Variants in GPC5 observed in about 807,000 individuals in gnomAD.
The protein encoded by GPC5 is glypican-5.
In GPC5, 47 loss-of-function variants were observed where a neutral mutation model predicts 53.9. The ratio of observed to expected loss-of-function variants is 0.87; its 90% CI spans 0.69 to 1.11. The LOEUF (loss-of-function observed/expected upper bound fraction) is 1.11. Ranked by LOEUF, GPC5 falls within the 50% of genes most tolerant of loss-of-function variation. The pLI is 0.00. For missense variants in GPC5, 748 were observed against 713.1 expected (o/e 1.05, Z -0.56); for synonymous variants, 286 against 263.3 (o/e 1.09, Z -0.84).
At chr13:92,148,095 C>A (rs1593931262) in intron 7 of GPC5, among the ~76,000 whole-genome samples, 1 of 152,092 alleles carries the variant, frequency 6.6e-6, no homozygotes, top group East Asian at 1.9e-4. Context: ...AAATAGCACA[C>A]AGTTCATTTG....
At chr13:91,853,943 G>A (rs770718872) in intron 5 of GPC5, among the ~76,000 whole-genome samples, 1 of 151,748 alleles carries the variant, frequency 6.6e-6, no homozygotes, top group Non-Finnish European at 1.5e-5. Flanking sequence ...TTATTGATTT[G>A]TATTCCTCAG....
intron 7 of GPC5, among the ~76,000 whole-genome samples, chr13:92,346,506 T>G (rs996142613): frequency 2.0e-5 from 3 of 152,104 alleles, no homozygotes; most frequent in African/African-American, 7.2e-5. Flanking sequence ...CTGCCTGGGA[T>G]TGTCACCAAC....
intron 7 of GPC5, among the ~76,000 whole-genome samples, chr13:92,767,252 C>G (rs182224776): frequency 6.6e-6 from 1 of 152,196 alleles, no homozygotes; most frequent in African/African-American, 2.4e-5. Context: ...AGGTGGATCA[C>G]TTGAGGTCAG....
At chr13:91,700,793 T>G (rs1341876670) in intron 3 of GPC5, among the ~76,000 whole-genome samples, 1 of 152,228 alleles carries the variant, frequency 6.6e-6, no homozygotes, top group Non-Finnish European at 1.5e-5. Context: ...AATGTGCATT[T>G]GCTTTTGTTA....
intron 7 of GPC5, among the ~76,000 whole-genome samples, chr13:92,769,769 C>T (rs558554080): frequency 4.6e-5 from 7 of 152,242 alleles, no homozygotes; most frequent in African/African-American, 1.7e-4. Flanking sequence ...ATAGATATGT[C>T]TAAAAGTACA....
intron 4 of GPC5, among the ~76,000 whole-genome samples, chr13:91,745,812 A>G (rs1020070163): frequency 1.3e-5 from 2 of 152,082 alleles, no homozygotes; most frequent in African/African-American, 4.8e-5. Context: ...AACGTGCCAT[A>G]TATTGCATTG....
intron 7 of GPC5, among the ~76,000 whole-genome samples, chr13:92,494,957 A>G (rs1010104444): frequency 3.9e-5 from 6 of 152,178 alleles, no homozygotes; most frequent in African/African-American, 1.4e-4. Context: ...TTTGTGAGAT[A>G]CTTAAAATTT....
intron 7 of GPC5, among the ~76,000 whole-genome samples, chr13:92,739,611 C>A (rs1037995358): frequency 6.6e-6 from 1 of 151,910 alleles, no homozygotes; most frequent in African/African-American, 2.4e-5. Context: ...TTTTCTCTCA[C>A]CTTTTCAAAC....
intron 2 of GPC5, among the ~76,000 whole-genome samples, chr13:91,510,288 G>A (rs151300198): frequency 1.6e-4 from 24 of 152,060 alleles, no homozygotes; most frequent in Admixed American, 3.9e-4. Flanking sequence ...ATATCATCTT[G>A]TTTAATGCAC....
intron 6 of GPC5, among the ~76,000 whole-genome samples, chr13:92,096,182 G>A (rs1206549280): frequency 6.6e-6 from 1 of 152,168 alleles, no homozygotes; most frequent in Non-Finnish European, 1.5e-5. Flanking sequence ...CAGCTTTGGA[G>A]CACCTGAGAT....
intron 5 of GPC5, among the ~76,000 whole-genome samples, chr13:91,798,586 T>A (rs1467902888): frequency 1.3e-5 from 2 of 152,230 alleles, no homozygotes; most frequent in Non-Finnish European, 2.9e-5. Flanking sequence ...TTATCCAGTC[T>A]ATCATTGATG....
intron 7 of GPC5, among the ~76,000 whole-genome samples, chr13:92,521,441 GGAACA>G (rs1227050147): frequency 6.6e-6 from 1 of 152,054 alleles, no homozygotes; most frequent in Non-Finnish European, 1.5e-5. Flanking sequence ...ATAGACCAAT[GGAACA>G]GAACAGAGGC....
intron 7 of GPC5, among the ~76,000 whole-genome samples, chr13:92,684,605 A>T (rs146313236): frequency 8.4e-4 from 128 of 152,244 alleles, no homozygotes; most frequent in African/African-American, 2.9e-3. Flanking sequence ...ATAATATTCC[A>T]TTGTATGGCT....
intron 7 of GPC5, among the ~76,000 whole-genome samples, chr13:92,630,125 T>A (rs1415552565): frequency 2.0e-5 from 3 of 152,138 alleles, no homozygotes; most frequent in Non-Finnish European, 4.4e-5. Flanking sequence ...GAAAGATTGA[T>A]TTGATAAAAT....
At chr13:91,835,957 GAACTTTACAGTTCTTT>G (rs2038719306) in intron 5 of GPC5, among the ~76,000 whole-genome samples, 1 of 152,120 alleles carries the variant, frequency 6.6e-6, no homozygotes, top group East Asian at 1.9e-4. Flanking sequence ...TTTAGATCTA[GAACTTTACAGTTCTTT>G]AAGCACACCA....
At chr13:92,612,681 AG>A (rs1322372222) in intron 7 of GPC5, among the ~76,000 whole-genome samples, 1 of 152,124 alleles carries the variant, frequency 6.6e-6, no homozygotes, top group African/African-American at 2.4e-5. Flanking sequence ...AGATGCTGGT[AG>A]TCAAAATGTG....
intron 2 of GPC5, among the ~76,000 whole-genome samples, chr13:91,553,186 A>G (rs550222324): frequency 6.6e-5 from 10 of 152,168 alleles, no homozygotes; most frequent in Middle Eastern, 3.4e-3. Context: ...TTTGAAGTAG[A>G]CAATATTTTT....
intron 2 of GPC5, among the ~76,000 whole-genome samples, chr13:91,666,024 T>A (rs954945150): frequency 1.3e-5 from 2 of 152,250 alleles, no homozygotes; most frequent in African/African-American, 4.8e-5. Flanking sequence ...TTTAACACGA[T>A]GCTCACTACT....
intron 7 of GPC5, among the ~76,000 whole-genome samples, chr13:92,242,715 G>A (rs916028269): frequency 6.6e-6 from 1 of 151,992 alleles, no homozygotes; most frequent in African/African-American, 2.4e-5. Flanking sequence ...TACTTCATGC[G>A]TAGGAGACAA....
Sources: allele counts gnomAD v4.1 joint callset (sites outside exome capture counted in the v4.1 genomes callset), GRCh38; gene constraint gnomAD v4.1.1; transcripts MANE v1.5; gene names NCBI Gene and HGNC (gene_info 2026-07-23, HGNC 2026-07-21).